PCNT: variants seen among roughly 807,000 people sequenced by gnomAD.
PCNT encodes the protein kendrin.
In PCNT, 319 loss-of-function variants were observed where a neutral mutation model predicts 380.4. That is an observed-to-expected ratio of 0.84 (90% CI 0.77 to 0.92). PCNT has a LOEUF of 0.92. Ranked by LOEUF, PCNT falls within the 40% of genes least tolerant of loss-of-function variation. PCNT has a pLI of 0.00. For missense variants in PCNT, 4,400 were observed against 4,255.3 expected (o/e 1.03, Z -0.95); for synonymous variants, 1,845 against 1,735.2 (o/e 1.06, Z -1.57).
At chr21:46,386,773 G>A (rs56274951) in intron 17 of PCNT, among the ~76,000 whole-genome samples, 21,520 of 152,250 alleles carry the variant, frequency 0.14, 1,703 homozygotes, top group Non-Finnish European at 0.17. Context: ...GTGACTCTGG[G>A]GTGAGCCTGC....
At chr21:46,345,872 C>T (rs1334531290) in intron 3 of PCNT, among the ~76,000 whole-genome samples, 1 of 152,242 alleles carries the variant, frequency 6.6e-6, no homozygotes, top group Non-Finnish European at 1.5e-5. Flanking sequence ...AGCCTCACGT[C>T]TTCAGGGCTC....
chr21:46,438,077 C>A, intron 40 of PCNT, 87 bp from the exon 41 acceptor site: 1 of 1,066,274 alleles, frequency 9.4e-7, no homozygotes. Flanking sequence ...AATTACAATC[C>A]CTAAAAATAA....
In PCNT at chr21:46,385,864, G is replaced by T; in HGVS notation, c.3345G>T (p.Glu1115Asp). ...LKDQVLSLSHEIEECRSELEV... is the reference protein window; with the variant it reads ...LKDQVLSLSHDIEECRSELEV... ...ACCAGGTTTTATCCTTAAGTCACGA[G>T]ATAGAAGAGTGCCGCTCCGAGTTGG... The change falls in exon 17 of 47, where the codon GAG (glutamate) becomes GAT (aspartate). Residue 1115 changes from glutamate to aspartate, a missense_variant. Transcript: ENST00000359568. The T allele has an allele frequency of 6.2e-7, 1 of 1,614,222 alleles. No homozygotes were observed. Among genetic ancestry groups the T allele is most frequent in the East Asian group, 2.2e-5 (1 of 44,892 alleles).
intron 39 of PCNT, among the ~76,000 whole-genome samples, chr21:46,436,761 C>T (rs1262141269): frequency 6.6e-6 from 1 of 152,088 alleles, no homozygotes; most frequent in Non-Finnish European, 1.5e-5. Context: ...GGTGGCGCGC[C>T]TCCCGGCTGG....
intron 3 of PCNT, among the ~76,000 whole-genome samples, chr21:46,337,729 T>C (rs1238676822): frequency 1.3e-5 from 2 of 150,516 alleles, no homozygotes; most frequent in Non-Finnish European, 3.0e-5. Flanking sequence ...ATTACAGGCA[T>C]GCGCCACCAC....
chr21:46,432,312 CCT>C, intron 38 of PCNT, 97 bp downstream of exon 38: 1 of 1,208,094 alleles, frequency 8.3e-7, no homozygotes, highest in Non-Finnish European at 1.2e-6. Context: ...TATGTCTGGC[CCT>C]CTGACCTGGT....
At position 46,411,708 on chromosome 21, in the gene PCNT, G is replaced by T. The variant is rs777880620; in HGVS notation, c.5635G>T (p.Ala1879Ser). 7.4e-6 allele frequency: 12 copies of T among 1,612,602 alleles called. No homozygotes were observed. The highest frequency in any genetic ancestry group is 1.3e-5 in the African/African-American group (1 of 74,938). The change falls in exon 28 of 47, where the codon GCT becomes TCT. Residue 1879 changes from alanine to serine, a missense_variant. Transcript: ENST00000359568. ...TGCCGAGAGAAATTTAGAAATCGAC[G>T]CTCTGAACCAGCGGAAGGCGGCCCA... is the stretch of plus-strand genomic sequence containing the variant. ...TIAERNLEID[A>S]LNQRKAAHSA...
chr21:46,412,867 A>G lies in PCNT; in HGVS notation c.6025A>G (p.Lys2009Glu). 1 of 1,612,682 alleles carries G rather than the reference A, an allele frequency of 6.2e-7. No individual in the cohort carries two copies. Among genetic ancestry groups the G allele is most frequent in the South Asian group, 1.1e-5 (1 of 91,082 alleles). ...TCTGCAGCCTGTCCTGGTGACGTTGAAGGATGCACCTCTCTGCAAGCAAGA... is the reference window on the plus strand; with the variant it reads ...TCTGCAGCCTGTCCTGGTGACGTTGGAGGATGCACCTCTCTGCAAGCAAGA... ...GDLQPVLVTL[K>E]DAPLCKQEGV... is the part of the protein sequence containing the mutation. Residue 2009 changes from lysine to glutamate, a missense_variant, in exon 29 of 47, where the codon AAG becomes GAG. Physicochemically the swap from Lys to Glu is moderately conservative, Grantham distance 56. Coordinates refer to ENST00000359568, the MANE Select transcript of PCNT (RefSeq NM_006031.6).
chr21:46,338,640 T>C (rs925129253), intron 3 of PCNT, among the ~76,000 whole-genome samples: 2 of 150,594 alleles, frequency 1.3e-5, no homozygotes, highest in African/African-American at 4.9e-5. Flanking sequence ...GTTTTGCTCT[T>C]GCACTCTTGT....
At chr21:46,345,195 G>A (rs910401423) in intron 3 of PCNT, among the ~76,000 whole-genome samples, 2 of 152,154 alleles carry the variant, frequency 1.3e-5, no homozygotes, top group African/African-American at 4.8e-5. Context: ...AGAGTCCACA[G>A]CTTCTGTTTC....
In PCNT at chr21:46,404,810, C is replaced by T. The variant is rs375339883; in HGVS notation, c.5115+2327C>T. 3.1e-3 allele frequency among the ~76,000 whole-genome samples: 473 copies of T among 152,206 alleles called. 3 individuals carry two copies. Among genetic ancestry groups the T allele is most frequent in the African/African-American group, 0.011 (452 of 41,514 alleles). On this transcript the variant is annotated intron_variant, in intron 27 of 46. Transcript: ENST00000359568. ...ACTAAAAATACAAAAATTAGCCAGG[C>T]ATGGTGACACACCACTCCGGAGACT...
chr21:46,383,334 A>C (rs11701839), intron 16 of PCNT, among the ~76,000 whole-genome samples: 1 of 130,948 alleles, frequency 7.6e-6, no homozygotes, highest in African/African-American at 2.8e-5. Context: ...TGGCAGAAGC[A>C]CATTCACGGT....
At chr21:46,356,886 A>T in intron 12 of PCNT, 88 bp from the exon 13 acceptor site, 1 of 1,065,206 alleles carries the variant, frequency 9.4e-7, no homozygotes, top group Non-Finnish European at 1.5e-6. Flanking sequence ...AGAAGCATTT[A>T]TAGGTTGCCG....
At chr21:46,344,768 G>A (rs1157022864) in intron 3 of PCNT, among the ~76,000 whole-genome samples, 5 of 152,208 alleles carry the variant, frequency 3.3e-5, no homozygotes, top group Admixed American at 1.3e-4. Context: ...CTCAGGATCC[G>A]TGCCGACGGG....
Position 46,431,739 on chromosome 21 carries a change from G to C in PCNT, c.8275G>C (p.Glu2759Gln). 1 of 1,612,466 alleles carries C rather than the reference G, an allele frequency of 6.2e-7. No individual in the cohort carries two copies. The highest frequency in any genetic ancestry group is 8.5e-7 in the Non-Finnish European group (1 of 1,179,884). ...AEKSRTLELS[E>Q]ALRHERLLTE... ...GAAGAGCCGCACCCTGGAGCTGTCA[G>C]AGGCCTTGCGGCACGAGCGGCTCCT... is the stretch of plus-strand genomic sequence containing the variant. The change falls in exon 38 of 47, where the codon GAG (glutamate) becomes CAG (glutamine). Residue 2759 changes from glutamate to glutamine, a missense_variant. Glu to Gln is a conservative substitution (Grantham distance 29). Transcript: ENST00000359568.
chr21:46,353,099 T>C lies in PCNT; in HGVS notation c.1457-5T>C. On this transcript the variant is annotated splice_polypyrimidine_tract_variant and splice_region_variant and intron_variant, in intron 9 of 46. Coordinates refer to ENST00000359568, the MANE Select transcript of PCNT (RefSeq NM_006031.6). ...AGACGATTGCCTGACTCCGTTATGT[T>C]GCAGAGCTACATGAGCAACTCCTGG... 1 of 1,611,378 alleles carries C rather than the reference T, an allele frequency of 6.2e-7. No homozygotes were observed.
rs151236131 is a variant in PCNT at position 46,444,878 on chromosome 21, C to T, written c.9967+57C>T. ...GCTGATTATCACTGTACCCTGGAAA[C>T]GTAGGGTCTGTTGAAAGATGGCTGG... On this transcript the variant is annotated intron_variant, in intron 46 of 46. Transcript: ENST00000359568. 7.3e-4 allele frequency: 1,116 copies of T among 1,538,128 alleles called. 1 individual carries two copies. The highest frequency in any genetic ancestry group is 9.2e-4 in the Non-Finnish European group (1,027 of 1,111,538).
intron 38 of PCNT, among the ~76,000 whole-genome samples, chr21:46,435,520 C>T (rs1439697817): frequency 3.3e-5 from 5 of 150,230 alleles, no homozygotes; most frequent in African/African-American, 1.2e-4. Flanking sequence ...GCCACCACAC[C>T]CTGCTGGCAG....
rs2084949445 is a variant in PCNT, at chr21:46,366,916, C to G, written c.2942C>G (p.Thr981Ser). The change falls in exon 15 of 47, where the codon ACC becomes AGC. Residue 981 changes from threonine to serine, a missense_variant. Thr to Ser is a moderately conservative substitution (Grantham distance 58). Transcript: ENST00000359568. ...LESCYLSEFQ[T>S]IREEHRQALE... is the part of the protein sequence containing the mutation. ...TCCTGTTACCTCTCTGAATTTCAGACCATCCGTGAGGAGCACAGGCAGGCC... is the reference window on the plus strand; with the variant it reads ...TCCTGTTACCTCTCTGAATTTCAGAGCATCCGTGAGGAGCACAGGCAGGCC... The G allele has an allele frequency of 1.2e-6, 2 of 1,614,198 alleles. No homozygotes were observed. The highest frequency in any genetic ancestry group is 1.3e-5 in the African/African-American group (1 of 75,062).
Sources: gnomAD v4.1 joint callset for allele counts (sites outside exome capture counted in the v4.1 genomes callset) on GRCh38, gnomAD v4.1.1 for gene constraint, MANE v1.5 for transcripts, NCBI Gene and HGNC (gene_info 2026-07-23, HGNC 2026-07-21) for gene names.